ITGA2: variants seen among roughly 807,000 people sequenced by gnomAD.
The protein encoded by ITGA2 is integrin subunit alpha 2.
Under a neutral mutation model 146.3 loss-of-function variants are expected in ITGA2, and 101 were observed. That is an observed-to-expected ratio of 0.69 (90% confidence interval 0.59 to 0.81). The LOEUF is 0.81. Among genes scored for constraint, ITGA2 ranks in the 40% least tolerant of loss-of-function variants. The pLI is 0.00. For missense variants in ITGA2, 1,281 were observed against 1,402.7 expected (o/e 0.91, Z 1.39); for synonymous variants, 477 against 487.1 (o/e 0.98, Z 0.27).
chr5:53,072,265 A>G (rs992077901), intron 18 of ITGA2, among the ~76,000 whole-genome samples: 1 of 151,928 alleles, frequency 6.6e-6, no homozygotes, highest in Non-Finnish European at 1.5e-5. Flanking sequence ...TCCCTAGAGC[A>G]GGGCCTGGCC....
chr5:53,019,880 G>A (rs1238859865), intron 1 of ITGA2, among the ~76,000 whole-genome samples: 1 of 151,946 alleles, frequency 6.6e-6, no homozygotes, highest in Non-Finnish European at 1.5e-5. Context: ...TAGTAATGCT[G>A]GCATATTATT....
Position 53,060,494 on chromosome 5 carries a change from G to A in ITGA2, c.1313-407G>A, listed in dbSNP as rs61310232. On this transcript the variant is annotated intron_variant, in intron 11 of 29. Coordinates refer to ENST00000296585, the MANE Select transcript of ITGA2 (RefSeq NM_002203.4). ...TAGCAAGATTAACAACTTGTCTAAC[G>A]TTCAACAACCTAGTAAGCGGCAAAT... is the stretch of plus-strand genomic sequence containing the variant. Among the ~76,000 whole-genome samples, 1,186 of 151,984 alleles carry A rather than the reference G, an allele frequency of 7.8e-3. 12 individuals are homozygous for A. The highest frequency in any genetic ancestry group is 0.026 in the African/African-American group (1,064 of 41,522).
chr5:53,085,655 C>T (rs1277815227), intron 27 of ITGA2, among the ~76,000 whole-genome samples: 1 of 152,078 alleles, frequency 6.6e-6, no homozygotes, highest in Non-Finnish European at 1.5e-5. Context: ...AGAGACTGAG[C>T]CAGTGGAAAG....
rs539957278 is a variant in ITGA2, at chr5:53,072,676, C to T, written c.2410C>T (p.Arg804Ter). 5.6e-6 allele frequency: 9 copies of T among 1,609,120 alleles called. No individual in the cohort carries two copies. The Admixed American group carries it at 8.4e-5, about 15-fold the overall frequency. The change falls in exon 19 of 30, where the codon CGA (arginine) becomes TGA (stop). Residue 804 changes from arginine (R) to a stop codon, truncating the protein, a stop_gained. Transcript: ENST00000296585. LOFTEE classifies it high-confidence loss of function. ...CATTTCTGATCTAGTCCTAGATGTC[C>T]GACAAATACCAGCTGCTCAGTAAGT... ...LCISDLVLDV[R>*]QIPAAQEQPF...
chr5:53,018,862 G>C (rs537830332), intron 1 of ITGA2, among the ~76,000 whole-genome samples: 1 of 152,140 alleles, frequency 6.6e-6, no homozygotes, highest in Admixed American at 6.5e-5. Context: ...TCAGGAATTC[G>C]AGACCAGCTT....
rs755214287 is a variant in ITGA2 at position 53,048,635 on chromosome 5, C to T, written c.503-8C>T. ...GGAAATCTGCTTCTTTCCTCTTTTC[C>T]TGTGTAGCCTGCCCTTCCCTCATAG... On this transcript the variant is annotated splice_polypyrimidine_tract_variant and splice_region_variant and intron_variant, in intron 5 of 29. Transcript: ENST00000296585. 6.2e-7 allele frequency: 1 copy of T among 1,613,924 alleles called. No homozygotes were observed. Among genetic ancestry groups the T allele is most frequent in the African/African-American group, 1.3e-5 (1 of 74,910 alleles).
Position 53,087,051 on chromosome 5 carries a change from T to TCA in ITGA2, c.3348+14_3348+15dup. Reference sequence around the variant, plus strand: ...AGATAACACTGTTACGGTGAGCATATCACACCCTTCCCTGTGAGCCTCAGG... The same window carrying TCA: ...AGATAACACTGTTACGGTGAGCATATCACACACCCTTCCCTGTGAGCCTCAGG... On this transcript the variant is annotated intron_variant, in intron 28 of 29. Coordinates refer to ENST00000296585, the MANE Select transcript of ITGA2 (RefSeq NM_002203.4). 6.3e-7 allele frequency: 1 copy of TCA among 1,591,502 alleles called. No homozygotes were observed. The highest frequency in any genetic ancestry group is 2.2e-5 in the East Asian group (1 of 44,646).
At chr5:53,020,724 C>T (rs1241839542) in intron 1 of ITGA2, among the ~76,000 whole-genome samples, 2 of 151,400 alleles carry the variant, frequency 1.3e-5, no homozygotes, top group Non-Finnish European at 2.9e-5. Flanking sequence ...CTCTGTCACC[C>T]AGGCTGGAGT....
chr5:53,049,225 T>G (rs1414959635), intron 6 of ITGA2, among the ~76,000 whole-genome samples: 1 of 149,278 alleles, frequency 6.7e-6, no homozygotes, highest in Non-Finnish European at 1.5e-5. Context: ...TTGGCCAGGC[T>G]GGCCTTGAAC....
chr5:52,994,449 T>C (rs892802846), intron 1 of ITGA2, among the ~76,000 whole-genome samples: 8 of 152,230 alleles, frequency 5.3e-5, no homozygotes, highest in Non-Finnish European at 1.2e-4. Context: ...GATTTAGCCA[T>C]GGGCATGTAA....
chr5:53,001,582 C>A (rs1283327522), intron 1 of ITGA2, among the ~76,000 whole-genome samples: 1 of 152,092 alleles, frequency 6.6e-6, no homozygotes, highest in Non-Finnish European at 1.5e-5. Context: ...GATTCAACTC[C>A]CCAGCACTTT....
At chr5:52,991,052 A>G (rs1349430805) in intron 1 of ITGA2, among the ~76,000 whole-genome samples, 1 of 152,166 alleles carries the variant, frequency 6.6e-6, no homozygotes, top group African/African-American at 2.4e-5. Context: ...AAATTCTTTA[A>G]TGGAATGTAA....
chr5:53,027,698 C>T (rs1256890513), intron 2 of ITGA2, among the ~76,000 whole-genome samples: 1 of 152,214 alleles, frequency 6.6e-6, no homozygotes, highest in African/African-American at 2.4e-5. Flanking sequence ...CAACCATCCC[C>T]ACTCACCCTG....
Position 52,989,415 on chromosome 5 carries a change from C to T in ITGA2, c.-54C>T, listed in dbSNP as rs559126416. 1.6e-5 allele frequency: 25 copies of T among 1,575,276 alleles called. No individual in the cohort carries two copies. The Admixed American group carries it at 3.0e-4, about 19-fold the overall frequency. ...CTCGTATCCCTCGGCCAAGGGTATC[C>T]TCTGCAAACCTCTGCAAACCCAGCG... is the stretch of plus-strand genomic sequence containing the variant. On this transcript the variant is annotated 5_prime_UTR_variant, in exon 1 of 30. Coordinates refer to ENST00000296585, the MANE Select transcript of ITGA2 (RefSeq NM_002203.4).
At chr5:53,014,621 T>G (rs1462973268) in intron 1 of ITGA2, among the ~76,000 whole-genome samples, 1 of 152,184 alleles carries the variant, frequency 6.6e-6, no homozygotes, top group Non-Finnish European at 1.5e-5. Context: ...ATAGAATGAG[T>G]TAGGAAGGAG....
At chr5:53,021,237 C>A (rs1482416138) in intron 1 of ITGA2, among the ~76,000 whole-genome samples, 1 of 151,972 alleles carries the variant, frequency 6.6e-6, no homozygotes, top group East Asian at 1.9e-4. Context: ...CGCCCCTAAT[C>A]TTGGACATTC....
At chr5:53,016,953 A>C (rs1293929687) in intron 1 of ITGA2, among the ~76,000 whole-genome samples, 1 of 152,154 alleles carries the variant, frequency 6.6e-6, no homozygotes, top group Non-Finnish European at 1.5e-5. Context: ...TTCTTTCTTG[A>C]AATAGTCATT....
intron 17 of ITGA2, among the ~76,000 whole-genome samples, chr5:53,070,982 A>G (rs1336827413): frequency 6.6e-6 from 1 of 151,920 alleles, no homozygotes; most frequent in Non-Finnish European, 1.5e-5. Flanking sequence ...TGGGAAATGT[A>G]TATTCTGGGT....
chr5:52,989,643 G>T (rs1191762479), intron 1 of ITGA2, 111 bp downstream of exon 1: 2 of 1,201,860 alleles, frequency 1.7e-6, no homozygotes, highest in Non-Finnish European at 2.5e-6. Context: ...TGTTCCCTCG[G>T]ATTCCACGTG....
Sources: allele counts gnomAD v4.1 joint callset (sites outside exome capture counted in the v4.1 genomes callset), GRCh38; gene constraint gnomAD v4.1.1; transcripts MANE v1.5; gene names NCBI Gene and HGNC (gene_info 2026-07-23, HGNC 2026-07-21).